The following LIMCH1 variants were observed in gnomAD, a reference collection of about 807,000 sequenced individuals.
The protein encoded by LIMCH1 is LIM and calponin homology domains 1.
In LIMCH1, 113 loss-of-function variants were observed where a neutral mutation model predicts 176.5. The observed-to-expected ratio is 0.64, with a 90% CI of 0.55 to 0.75. The LOEUF (loss-of-function observed/expected upper bound fraction) is 0.75. Among genes scored for constraint, LIMCH1 ranks in the 30% least tolerant of loss-of-function variants. The probability of loss-of-function intolerance (pLI) is 0.00; values close to 1 mark genes in which losing one functional copy is unlikely to be tolerated. For synonymous variants in LIMCH1, 619 were observed against 645.9 expected (o/e 0.96, Z 0.63); for missense variants, 1,674 against 1,814.9 (o/e 0.92, Z 1.41).
chr4:41,508,468 G>T (rs2074444792), intron 2 of LIMCH1, among the ~76,000 whole-genome samples: 1 of 152,180 alleles, frequency 6.6e-6, no homozygotes, highest in East Asian at 1.9e-4. Flanking sequence ...TGTTGGGGAT[G>T]AGGGCCTGGC....
intron 1 of LIMCH1, among the ~76,000 whole-genome samples, chr4:41,419,685 T>TTCCTTCCTTCCG (rs2060411089): frequency 2.3e-5 from 1 of 43,192 alleles, no homozygotes; most frequent in East Asian, 6.0e-4. Flanking sequence ...TCCTTCCTCC[T>TTCCTTCCTTCCG]TCCTTCCTTC....
chr4:41,418,446 A>G lies in LIMCH1; in HGVS notation c.96+57510A>G, dbSNP rs75477849. Among the ~76,000 whole-genome samples, 65 of 152,274 alleles carry G rather than the reference A, an allele frequency of 4.3e-4. No individual in the cohort carries two copies. In the East Asian group the frequency reaches 9.5e-3, roughly 22 times the overall value. ...CCACATGCATGTACAGGACTATAAA[A>G]AAGTCCAGGTTTGCGTTGGGAGTCC... On this transcript the variant is annotated intron_variant, in intron 1 of 26. Coordinates refer to the LIMCH1 transcript ENST00000313860.
At chr4:41,609,627 TA>T in intron 4 of LIMCH1, 1 of 455,944 alleles carries the variant, frequency 2.2e-6, no homozygotes, top group South Asian at 1.5e-5. Context: ...TGGTTCTTGT[TA>T]TGTCTGAGAA....
chr4:41,526,560 C>G (rs1414768057), intron 3 of LIMCH1, among the ~76,000 whole-genome samples: 3 of 152,076 alleles, frequency 2.0e-5, no homozygotes, highest in African/African-American at 7.2e-5. Flanking sequence ...TTCCACGGTT[C>G]TCGCGTCATG....
chr4:41,557,546 C>CTGTGTGTGTGTGTGTGTG lies in LIMCH1; in HGVS notation c.-241+19208_-241+19225dup, dbSNP rs34757433. Among the ~76,000 whole-genome samples the CTGTGTGTGTGTGTGTGTG allele has an allele frequency of 2.2e-3, 321 of 147,838 alleles. 1 individual carries two copies. Among genetic ancestry groups the CTGTGTGTGTGTGTGTGTG allele is most frequent in the African/African-American group, 7.1e-3 (287 of 40,356 alleles). ...TGTGTTTTAAAAATCTTTATTGCCT[C>CTGTGTGTGTGTGTGTGTG]TGTGTGTGTGTGTGTGTGTGTGTGT... On this transcript the variant is annotated intron_variant, in intron 1 of 31. Transcript: ENST00000503057.
At position 41,689,602 on chromosome 4, in the gene LIMCH1, C is replaced by T; in HGVS notation, c.4242C>T (p.Thr1414=). 1 of 1,611,088 alleles carries T rather than the reference C, an allele frequency of 6.2e-7. No individual in the cohort carries two copies. The highest frequency in any genetic ancestry group is 8.5e-7 in the Non-Finnish European group (1 of 1,177,504). Reference sequence around the variant, plus strand: ...AAGGAGCTGCAATGATCATCGAGACCCTCAATCTCTATTTTCACATCCAGT... The same window carrying T: ...AAGGAGCTGCAATGATCATCGAGACTCTCAATCTCTATTTTCACATCCAGT... ...LGKGAAMIIE[T]LNLYFHIQCF... is the part of the protein sequence containing the mutation. Residue 1414 remains threonine, a synonymous_variant, in exon 30 of 32, where the codon ACC becomes ACT. Transcript: ENST00000503057.
chr4:41,375,046 A>G (rs906681006), intron 1 of LIMCH1, among the ~76,000 whole-genome samples: 6 of 152,228 alleles, frequency 3.9e-5, no homozygotes, highest in African/African-American at 1.4e-4. Context: ...TCCCTAGAGG[A>G]AAATCTGGGT....
chr4:41,628,721 A>G (rs1461209462), intron 8 of LIMCH1, among the ~76,000 whole-genome samples: 2 of 152,236 alleles, frequency 1.3e-5, no homozygotes, highest in Non-Finnish European at 2.9e-5. Flanking sequence ...TTTGGTTTAA[A>G]TCGCAGTTTT....
intron 4 of LIMCH1, among the ~76,000 whole-genome samples, chr4:41,611,842 GA>G (rs2091451384): frequency 6.6e-6 from 1 of 152,142 alleles, no homozygotes; most frequent in African/African-American, 2.4e-5. Context: ...CATTTCCAAA[GA>G]AATTAAATAT....
intron 2 of LIMCH1, among the ~76,000 whole-genome samples, chr4:41,504,035 C>G (rs1583234615): frequency 6.6e-6 from 1 of 152,124 alleles, no homozygotes; most frequent in African/African-American, 2.4e-5. Flanking sequence ...GTAGTCTGTA[C>G]TTTCTCCTTT....
At chr4:41,442,558 A>G (rs528919163) in intron 1 of LIMCH1, among the ~76,000 whole-genome samples, 5 of 152,218 alleles carry the variant, frequency 3.3e-5, no homozygotes, top group Non-Finnish European at 4.4e-5. Flanking sequence ...ATTTCATGAT[A>G]GTTGAGAACT....
At chr4:41,622,077 A>C (rs933488599) in intron 7 of LIMCH1, among the ~76,000 whole-genome samples, 2 of 152,208 alleles carry the variant, frequency 1.3e-5, no homozygotes, top group African/African-American at 4.8e-5. Flanking sequence ...GAATATTCTA[A>C]CATAAAATTG....
chr4:41,570,626 C>A (rs908859635), intron 1 of LIMCH1, among the ~76,000 whole-genome samples: 1 of 152,172 alleles, frequency 6.6e-6, no homozygotes, highest in African/African-American at 2.4e-5. Flanking sequence ...GTAACAGTGG[C>A]CCTGCTCCGA....
chr4:41,566,203 T>C (rs1208791224), intron 1 of LIMCH1, among the ~76,000 whole-genome samples: 1 of 152,144 alleles, frequency 6.6e-6, no homozygotes, highest in African/African-American at 2.4e-5. Context: ...GGAATCAACT[T>C]ATTCCAGACT....
rs7659553 is a variant in LIMCH1, at chr4:41,612,941, C to G, written c.10-525C>G. ...CCTTCAAGGTAGCAGGAGATGAACG[C>G]GTGCTGCTCCAGGATTTTACAGAAC... is the stretch of plus-strand genomic sequence containing the variant. On this transcript the variant is annotated intron_variant, in intron 4 of 31. Coordinates refer to ENST00000503057, the MANE Select transcript of LIMCH1 (RefSeq NM_001330672.2). 11 of 1,515,138 alleles carry G rather than the reference C, an allele frequency of 7.3e-6. No individual in the cohort carries two copies. The African/African-American group carries it at 1.5e-4, about 21-fold the overall frequency. 93.9% of individuals were successfully genotyped at this position (1,515,138 alleles called of 1,614,324 possible).
intron 1 of LIMCH1, among the ~76,000 whole-genome samples, chr4:41,418,408 G>T (rs368496189): frequency 6.6e-6 from 1 of 152,314 alleles, no homozygotes; most frequent in East Asian, 1.9e-4. Context: ...TCTGGCACAG[G>T]AATCTTGGTC....
intron 4 of LIMCH1, chr4:41,609,653 A>G (rs1329990874): frequency 4.4e-6 from 2 of 455,952 alleles, no homozygotes; most frequent in Non-Finnish European, 4.4e-6. Flanking sequence ...GGATAGGAGG[A>G]AGATGAGTAA....
At chr4:41,642,737 C>CTTTTTTTTTTTTT (rs368906535) in intron 14 of LIMCH1, among the ~76,000 whole-genome samples, 63 of 136,334 alleles carry the variant, frequency 4.6e-4, no homozygotes, top group South Asian at 7.0e-4. Context: ...TTTCTTTTTT[C>CTTTTTTTTTTTTT]TTTTTTTTTT....
intron 1 of LIMCH1, among the ~76,000 whole-genome samples, chr4:41,459,776 G>A (rs1268083710): frequency 2.0e-5 from 3 of 152,136 alleles, no homozygotes; most frequent in Non-Finnish European, 4.4e-5. Flanking sequence ...TTTTACCTCA[G>A]CCCAGAGACA....
Sources: gnomAD v4.1 joint callset for allele counts (sites outside exome capture counted in the v4.1 genomes callset) on GRCh38, gnomAD v4.1.1 for gene constraint, MANE v1.5 for transcripts, NCBI Gene and HGNC (gene_info 2026-07-23, HGNC 2026-07-21) for gene names.